Variants in SPIN3 observed in about 807,000 individuals in gnomAD.
SPIN3 encodes the protein spindlin-3.
For synonymous variants in SPIN3, 74 were observed against 74.3 expected, an observed-to-expected ratio of 1.00 and a Z score of 0.02; for missense variants, 176 against 196.4, an observed-to-expected ratio of 0.90 and a Z score of 0.62.
Position 56,994,924 on chromosome X carries a change from T to C in SPIN3, c.24A>G (p.Ala8=), listed in dbSNP as rs1924455951. The C allele has an allele frequency of 8.4e-7, 1 of 1,195,509 alleles. No individual in the cohort carries two copies. Among genetic ancestry groups the C allele is most frequent in the Admixed American group, 2.3e-5 (1 of 43,850 alleles). ...CCGTCCTGGACCGCTGCCCTGCAGC[T>C]GCCTTTCCAAACGGGGTCTTCATGC... MKTPFGK[A]AAGQRSRTGA... is the part of the protein sequence containing the mutation. Residue 8 remains alanine (A), a synonymous_variant, in exon 2 of 2, where the codon GCA becomes GCG. Transcript: ENST00000374919.
downstream of SPIN3, among the ~76,000 whole-genome samples, chrX:56,987,363 C>T (rs767193298): frequency 6.4e-5 from 7 of 109,202 alleles, no homozygotes; most frequent in Non-Finnish European, 1.3e-4. Flanking sequence ...TTCCTCAAAT[C>T]ATTGCATGGG....
chrX:56,981,780 A>T (rs1340216422), intron 3 of SPIN3: 1 of 111,878 alleles, frequency 8.9e-6, no homozygotes, highest in Non-Finnish European at 1.9e-5. Flanking sequence ...TACACTTCAC[A>T]AGCGTATCTT....
exon 6 of SPIN3, chrX:56,976,475 AT>A (rs1483183633): frequency 9.0e-6 from 1 of 111,695 alleles, no homozygotes; most frequent in Non-Finnish European, 1.9e-5. Context: ...TTCCATTGCA[AT>A]TTCTCTGAGG....
intron 3 of SPIN3, chrX:56,982,506 C>T (rs1317337647): frequency 9.0e-6 from 1 of 111,363 alleles, no homozygotes; most frequent in Admixed American, 9.6e-5. Flanking sequence ...TGTGTACTCT[C>T]GTGGCAAATC....
Position 56,995,412 on chromosome X carries a change from G to A in SPIN3, c.-199C>T, listed in dbSNP as rs1354914256. 1 of 116,614 alleles carries A rather than the reference G, an allele frequency of 8.6e-6. No individual in the cohort carries two copies. Among genetic ancestry groups the A allele is most frequent in the Admixed American group, 9.2e-5 (1 of 10,911 alleles). 9.6% of individuals were successfully genotyped at this position (116,614 alleles called of 1,213,427 possible). A position where few individuals can be genotyped will look rare whatever the true frequency, so the allele number is the denominator to read the frequency against. ...CTAAGAGGGCGGCGGGGCAGGCGAA[G>A]ATGACCGTGGCGGCGTCCCTTGCTC... On this transcript the variant is annotated 5_prime_UTR_variant, in exon 1 of 2. Transcript: ENST00000374919.
intron 2 of SPIN3, among the ~76,000 whole-genome samples, chrX:56,984,763 A>T (rs2146830876): frequency 9.0e-6 from 1 of 111,256 alleles, no homozygotes; most frequent in Admixed American, 9.5e-5. Context: ...CCATGGTTTT[A>T]AGTATTATTT....
intron 5 of SPIN3, chrX:56,977,424 C>T (rs1924028243): frequency 9.0e-6 from 1 of 111,719 alleles, no homozygotes; most frequent in African/African-American, 3.2e-5. Context: ...AACCTACAAA[C>T]ATGTTCACGT....
Position 56,994,579 on chromosome X carries a change from G to C in SPIN3, c.369C>G (p.His123Gln). 1 of 1,211,809 alleles carries C rather than the reference G, an allele frequency of 8.3e-7. No homozygotes were observed. The highest frequency in any genetic ancestry group is 1.1e-6 in the Non-Finnish European group (1 of 895,564). The stretch of plus-strand genomic sequence containing the variant: ...CTTTGCCAACCATTATTTCTGCCAA[G>C]TGTGTATCACTGATTCTAGATGATG... ...RVASSRISDT[H>Q]LAEIMVGKAV... is the part of the protein sequence containing the mutation. The change falls in exon 2 of 2, where the codon CAC becomes CAG. Residue 123 changes from histidine (H) to glutamine (Q), a missense_variant. His to Gln is a conservative substitution (Grantham distance 24, BLOSUM62 0). Transcript: ENST00000374919.
chrX:56,979,648 G>T (rs934127448), intron 3 of SPIN3: 1 of 111,262 alleles, frequency 9.0e-6, no homozygotes, highest in Admixed American at 9.5e-5. Flanking sequence ...CTAGTTTTTC[G>T]GTGAAAACAT....
rs975633286 is a variant in SPIN3, at chrX:56,991,895, T to C, written c.*2276A>G. ...TATTTCCTGACATAGCTGACAACAA[T>C]TATACAATGACTCCCAAAGATAGCA... On this transcript the variant is annotated 3_prime_UTR_variant, in exon 2 of 2. Transcript: ENST00000374919. 3.6e-6 allele frequency: 1 copy of C among 274,361 alleles called. No individual in the cohort carries two copies. Among genetic ancestry groups the C allele is most frequent in the Non-Finnish European group, 6.4e-6 (1 of 155,670 alleles). 22.6% of individuals were successfully genotyped at this position (274,361 alleles called of 1,213,427 possible).
In SPIN3 at chrX:56,993,928, T is replaced by G; in HGVS notation, c.*243A>C. The G allele has an allele frequency of 3.0e-6, 1 of 333,760 alleles. No homozygotes were observed. Among genetic ancestry groups the G allele is most frequent in the Non-Finnish European group, 5.1e-6 (1 of 194,222 alleles). The allele number at this position is 333,760 out of a possible 1,213,427, so 27.5% of individuals were successfully genotyped here. On this transcript the variant is annotated 3_prime_UTR_variant, in exon 2 of 2. Transcript: ENST00000374919. Reference sequence around the variant, plus strand: ...CAAGATAAAAAAAAGTATGAGCCAATGGATGTCAGACTTTACCCTTCTCAC... The same window carrying G: ...CAAGATAAAAAAAAGTATGAGCCAAGGGATGTCAGACTTTACCCTTCTCAC...
At chrX:56,986,654 G>C (rs1453323247), downstream of SPIN3, among the ~76,000 whole-genome samples, 3 of 112,142 alleles carry the variant, frequency 2.7e-5, no homozygotes, top group African/African-American at 9.7e-5. Flanking sequence ...CAAATGTCTT[G>C]TAGTATGTGC....
At chrX:56,981,730 C>T (rs977306180) in intron 3 of SPIN3, 1 of 111,952 alleles carries the variant, frequency 8.9e-6, no homozygotes, top group Non-Finnish European at 1.9e-5. Context: ...TATTCACTCA[C>T]GGATTTATGG....
At chrX:56,985,285 G>A (rs1924200556) in intron 2 of SPIN3, among the ~76,000 whole-genome samples, 1 of 111,922 alleles carries the variant, frequency 8.9e-6, no homozygotes, top group Non-Finnish European at 1.9e-5. Context: ...TGGGTTTGTG[G>A]ACATGGGATG....
intron 5 of SPIN3, chrX:56,977,900 C>G: frequency 8.9e-6 from 1 of 112,405 alleles, no homozygotes; most frequent in Admixed American, 9.5e-5. Flanking sequence ...AAGGCCCTCA[C>G]CAGATGTGGC....
chrX:56,983,510 C>G, intron 3 of SPIN3, among the ~76,000 whole-genome samples: 1 of 112,466 alleles, frequency 8.9e-6, no homozygotes, highest in Non-Finnish European at 1.9e-5. Flanking sequence ...TTCCAAATGT[C>G]TGAGGTTTTG....
At chrX:56,983,002 A>G (rs1283547354) in intron 3 of SPIN3, 1 of 111,773 alleles carries the variant, frequency 8.9e-6, no homozygotes, top group Non-Finnish European at 1.9e-5. Context: ...CTACAAAGGT[A>G]GAAAGGAGCC....
chrX:56,978,586 C>A (rs908103288), exon 4 of SPIN3: 1 of 111,235 alleles, frequency 9.0e-6, no homozygotes, highest in Non-Finnish European at 1.9e-5. Flanking sequence ...TTACCTTATG[C>A]CCACTCTTAG....
At chrX:56,979,574 G>A (rs922796026) in intron 3 of SPIN3, 5 of 111,940 alleles carry the variant, frequency 4.5e-5, no homozygotes, top group Non-Finnish European at 9.4e-5. Context: ...AACTGAATAT[G>A]AATTAAACTG....
Sources: gnomAD v4.1 joint callset for allele counts (sites outside exome capture counted in the v4.1 genomes callset) on GRCh38, gnomAD v4.1.1 for gene constraint, MANE v1.5 for transcripts, NCBI Gene and HGNC (gene_info 2026-07-23, HGNC 2026-07-21) for gene names.